GON4L: variants seen among roughly 807,000 people sequenced by gnomAD.
GON4L encodes the protein GON-4-like protein.
GON4L carries 87 observed loss-of-function variants against 211.8 expected under a neutral mutation model. The observed-to-expected ratio is 0.41, with a 90% CI of 0.35 to 0.49. The LOEUF (loss-of-function observed/expected upper bound fraction) is 0.49. Among genes scored for constraint, GON4L ranks in the 20% least tolerant of loss-of-function variants. The pLI, the probability that GON4L is intolerant of heterozygous loss-of-function variation, is 0.15. For missense variants in GON4L, 2,155 were observed against 2,659.5 expected (o/e 0.81, Z 4.17); for synonymous variants, 875 against 962.6 (o/e 0.91, Z 1.68).
chr1:155,770,523 C>T (rs992560527), intron 19 of GON4L, among the ~76,000 whole-genome samples: 42 of 152,086 alleles, frequency 2.8e-4, no homozygotes, highest in African/African-American at 9.9e-4. Flanking sequence ...GAGCAAGAAC[C>T]CGTCTCTAAA....
At chr1:155,825,693 T>C (rs1669139288) in intron 3 of GON4L, among the ~76,000 whole-genome samples, 1 of 152,006 alleles carries the variant, frequency 6.6e-6, no homozygotes, top group Admixed American at 6.6e-5. Flanking sequence ...GCACAGCAGT[T>C]TGAGACCAGC....
chr1:155,833,821 T>G, intron 2 of GON4L, among the ~76,000 whole-genome samples: 2 of 149,704 alleles, frequency 1.3e-5, no homozygotes, highest in Admixed American at 6.7e-5. Context: ...TGGGGTTTCA[T>G]TCCTCCTCCT....
chr1:155,805,361 T>C (rs958393640), intron 10 of GON4L, among the ~76,000 whole-genome samples: 3 of 152,212 alleles, frequency 2.0e-5, no homozygotes, highest in African/African-American at 4.8e-5. Flanking sequence ...AACAGCTTTA[T>C]TGATATACAA....
At chr1:155,796,345 T>C (rs1666067223) in intron 11 of GON4L, among the ~76,000 whole-genome samples, 1 of 151,782 alleles carries the variant, frequency 6.6e-6, no homozygotes, top group South Asian at 2.1e-4. Flanking sequence ...TGGCATGATC[T>C]TGGCTCACTG....
At chr1:155,787,625 T>C (rs1402837318) in intron 12 of GON4L, among the ~76,000 whole-genome samples, 1 of 151,918 alleles carries the variant, frequency 6.6e-6, no homozygotes. Context: ...ATACAAAAAT[T>C]AGCCAGGCAT....
Position 155,766,646 on chromosome 1 carries a change from TTCC to T in GON4L, c.2824_2826del (p.Gly942del), listed in dbSNP as rs780088863. ...TTGATCTCAGTGGTTCCAGTCATAT[TTCC>T]TACCTCTCTAGCACCATCAGCCATG... On this transcript the variant is annotated inframe_deletion, in exon 21 of 32. Transcript: ENST00000368331. 1.2e-6 allele frequency: 2 copies of T among 1,614,064 alleles called. No individual in the cohort carries two copies. Among genetic ancestry groups the T allele is most frequent in the Non-Finnish European group, 1.7e-6 (2 of 1,180,036 alleles).
At chr1:155,844,623 T>C (rs1452564025) in intron 2 of GON4L, among the ~76,000 whole-genome samples, 1 of 152,174 alleles carries the variant, frequency 6.6e-6, no homozygotes, top group Non-Finnish European at 1.5e-5. Flanking sequence ...TGGGTGTTGC[T>C]GGCAAACACA....
Position 155,777,834 on chromosome 1 carries a change from G to A in GON4L, c.1893-14C>T, listed in dbSNP as rs1663987031. 1 of 1,539,578 alleles carries A rather than the reference G, an allele frequency of 6.5e-7. No individual in the cohort carries two copies. Among genetic ancestry groups the A allele is most frequent in the East Asian group, 2.2e-5 (1 of 44,560 alleles). On this transcript the variant is annotated splice_polypyrimidine_tract_variant and intron_variant, in intron 14 of 31. Transcript: ENST00000368331. ...GGTTCCTCAAACCTATTCCCAACAG[G>A]GAGATGACTGAATTTGAGTGTTTCC...
At chr1:155,837,622 C>T (rs1190482044) in intron 2 of GON4L, among the ~76,000 whole-genome samples, 2 of 152,052 alleles carry the variant, frequency 1.3e-5, no homozygotes, top group Non-Finnish European at 2.9e-5. Flanking sequence ...GTATCTCTCT[C>T]TCTCTCTCTC....
chr1:155,785,578 C>T (rs570995724), intron 12 of GON4L, among the ~76,000 whole-genome samples: 20 of 152,230 alleles, frequency 1.3e-4, no homozygotes, highest in Admixed American at 1.2e-3. Context: ...TCCGCATCCC[C>T]TCCCTGGTCC....
At chr1:155,755,186 T>G (rs1057103706) in intron 27 of GON4L, among the ~76,000 whole-genome samples, 1 of 151,460 alleles carries the variant, frequency 6.6e-6, no homozygotes, top group Non-Finnish European at 1.5e-5. Flanking sequence ...TTCCCATGTC[T>G]CAGCCTCCCA....
At chr1:155,829,194 T>C (rs1287823635) in intron 2 of GON4L, among the ~76,000 whole-genome samples, 1 of 152,226 alleles carries the variant, frequency 6.6e-6, no homozygotes, top group Non-Finnish European at 1.5e-5. Flanking sequence ...CTTGTTCTTC[T>C]GAATTTGACT....
rs777489817 is a variant in GON4L, at chr1:155,765,012, G to A, written c.4461C>T (p.Val1487=). ...CTCCAGCTCTCACCTGGAGTTCTGG[G>A]ACAGAAAGCACAGATTCCTCAGAAG... The part of the protein sequence containing the change: ...SSASEESVLS[V]PELQETMEKL... Residue 1487 remains valine (V), a synonymous_variant, in exon 21 of 32, where the codon GTC becomes GTT. Coordinates refer to ENST00000368331, the MANE Select transcript of GON4L (RefSeq NM_001282860.2). 2 of 1,613,842 alleles carry A rather than the reference G, an allele frequency of 1.2e-6. No individual in the cohort carries two copies. Among genetic ancestry groups the A allele is most frequent in the Non-Finnish European group, 1.7e-6 (2 of 1,179,884 alleles).
chr1:155,804,590 C>G (rs950425035), intron 11 of GON4L, among the ~76,000 whole-genome samples: 1 of 151,894 alleles, frequency 6.6e-6, no homozygotes, highest in Non-Finnish European at 1.5e-5. Context: ...TTGGGAACAG[C>G]CTGGGCAACA....
chr1:155,840,849 A>G (rs1336919807), intron 2 of GON4L, among the ~76,000 whole-genome samples: 1 of 152,178 alleles, frequency 6.6e-6, no homozygotes, highest in African/African-American at 2.4e-5. Flanking sequence ...CCTGACCAAC[A>G]TGGAGAAACC....
At chr1:155,826,347 C>T (rs1669215785) in intron 3 of GON4L, among the ~76,000 whole-genome samples, 1 of 151,952 alleles carries the variant, frequency 6.6e-6, no homozygotes, top group African/African-American at 2.4e-5. Context: ...GGTGGATCAT[C>T]TGAAGTCAGG....
chr1:155,826,881 T>A lies in GON4L; in HGVS notation c.653A>T (p.Gln218Leu). Residue 218 changes from glutamine to leucine, a missense_variant, in exon 3 of 32, where the codon CAA becomes CTA. Gln to Leu is a moderately radical substitution (Grantham distance 113). Around this residue, in one of 6 missense-constraint regions of GON4L, gnomAD observed 313 missense variants for 293.2 expected, o/e 1.07. Coordinates refer to ENST00000368331, the MANE Select transcript of GON4L (RefSeq NM_001282860.2). ...QEKPLRTLFH[Q>L]PEEEIEDGGL... ...ACCATCTTCTATCTCTTCCTCAGGT[T>A]GGTGAAACAGAGTCCTGAGTGGCTT... is the stretch of plus-strand genomic sequence containing the variant. 1.9e-6 allele frequency: 3 copies of A among 1,613,542 alleles called. No individual in the cohort carries two copies. Among genetic ancestry groups the A allele is most frequent in the Non-Finnish European group, 2.5e-6 (3 of 1,179,488 alleles).
intron 19 of GON4L, among the ~76,000 whole-genome samples, chr1:155,770,246 T>A (rs1165095781): frequency 3.9e-5 from 6 of 151,966 alleles, no homozygotes. Flanking sequence ...AACAAAAGGC[T>A]GGGCATAGTG....
chr1:155,805,995 T>TG (rs1301752601), intron 10 of GON4L, among the ~76,000 whole-genome samples: 17 of 150,772 alleles, frequency 1.1e-4, no homozygotes, highest in Non-Finnish European at 2.4e-4. Flanking sequence ...GGTGTTTTTT[T>TG]TTTTTTTTTT....
Sources: gnomAD v4.1 joint callset for allele counts (sites outside exome capture counted in the v4.1 genomes callset) on GRCh38, gnomAD v4.1.1 for gene constraint, gnomAD v4.1.1 regional missense constraint, MANE v1.5 for transcripts, NCBI Gene and HGNC (gene_info 2026-07-23, HGNC 2026-07-21) for gene names.